The following TMPO variants were observed in gnomAD, a reference collection of about 807,000 sequenced individuals.
TMPO encodes thymopoietin, also known as LEM domain containing 4.
TMPO carries 22 observed loss-of-function variants against 45.4 expected under a neutral mutation model. The ratio of observed to expected loss-of-function variants is 0.48; its 90% confidence interval spans 0.35 to 0.69. The LOEUF (loss-of-function observed/expected upper bound fraction) is 0.69. TMPO is among the 30% of genes least tolerant of loss of function. The pLI is 0.01. For synonymous variants in TMPO, 241 were observed against 204.1 expected (o/e 1.18, Z -1.54); for missense variants, 512 against 548.8 (o/e 0.93, Z 0.67).
intron 1 of TMPO, among the ~76,000 whole-genome samples, chr12:98,519,274 A>G (rs1467622063): frequency 6.9e-6 from 1 of 144,630 alleles, no homozygotes; most frequent in East Asian, 2.1e-4. Flanking sequence ...CAATGGCCCG[A>G]TTTCATCTCT....
intron 4 of TMPO, among the ~76,000 whole-genome samples, chr12:98,538,071 G>A (rs1877682955): frequency 6.6e-6 from 1 of 152,110 alleles, no homozygotes; most frequent in African/African-American, 2.4e-5. Flanking sequence ...TGTGGGAGAG[G>A]CGTTTCAGTT....
rs35662364 is a variant in TMPO at position 98,520,630 on chromosome 12, C to CTT, written c.279+4494_279+4495dup. 3.5e-4 allele frequency among the ~76,000 whole-genome samples: 51 copies of CTT among 143,828 alleles called. 6 individuals carry two copies. Among genetic ancestry groups the CTT allele is most frequent in the East Asian group, 2.8e-3 (14 of 4,992 alleles). The allele number at this position is 143,828 out of a possible 152,430, so 94.4% of individuals were successfully genotyped here. Reference sequence around the variant, plus strand: ...AATACCAGGTCTTATTTCTTTTTTCCTTTTTTTTTTTGAAACGGAGTCTCA... The same window carrying CTT: ...AATACCAGGTCTTATTTCTTTTTTCCTTTTTTTTTTTTTGAAACGGAGTCTCA... On this transcript the variant is annotated intron_variant, in intron 1 of 8. Transcript: ENST00000556029.
At chr12:98,546,487 T>C in intron 8 of TMPO, 40 bp downstream of exon 8, 2 of 1,348,708 alleles carry the variant, frequency 1.5e-6, no homozygotes, top group Non-Finnish European at 2.1e-6. Flanking sequence ...TGTATTCTAG[T>C]AGGGAATCTT....
rs139336260 is a variant in TMPO, at chr12:98,535,743, C to G, written c.566-1732C>G. On this transcript the variant is annotated intron_variant, in intron 3 of 8. Transcript: ENST00000556029. ...TTTTCCATTTCATCATTGAAACTCA[C>G]TTTGACATTTCAGTGGTATAATTGA... 69 of 798,640 alleles carry G rather than the reference C, an allele frequency of 8.6e-5. 1 individual carries two copies. The African/African-American group carries it at 1.2e-3, about 14-fold the overall frequency. The allele number at this position is 798,640 out of a possible 1,614,324, so 49.5% of individuals were successfully genotyped here. A position where few individuals can be genotyped will look rare whatever the true frequency, so the allele number is the denominator to read the frequency against.
At chr12:98,534,892 A>G (rs1435542259) in intron 3 of TMPO, 1 of 983,320 alleles carries the variant, frequency 1.0e-6, no homozygotes, top group African/African-American at 1.7e-5. Context: ...ATGCAACTCA[A>G]AGCACCAGTC....
chr12:98,545,738 CT>C (rs796569361), intron 7 of TMPO, among the ~76,000 whole-genome samples: 109 of 146,358 alleles, frequency 7.4e-4, no homozygotes, highest in Middle Eastern at 3.6e-3. Flanking sequence ...AAACAGTATA[CT>C]TTTTTTTTTT....
At chr12:98,520,250 G>A (rs1266579309) in intron 1 of TMPO, among the ~76,000 whole-genome samples, 3 of 121,626 alleles carry the variant, frequency 2.5e-5, no homozygotes, top group Non-Finnish European at 5.2e-5. Context: ...ATGAGCCACC[G>A]CGCCCGGCCA....
At chr12:98,545,369 G>A (rs950225066) in intron 7 of TMPO, among the ~76,000 whole-genome samples, 1 of 152,092 alleles carries the variant, frequency 6.6e-6, no homozygotes, top group African/African-American at 2.4e-5. Context: ...ATGCAAGTTT[G>A]AAAGTGCTGC....
At chr12:98,523,459 G>A (rs909812101) in intron 1 of TMPO, among the ~76,000 whole-genome samples, 1 of 151,840 alleles carries the variant, frequency 6.6e-6, no homozygotes, top group African/African-American at 2.4e-5. Context: ...TTGGGAGGCT[G>A]AGGCAGGAGA....
chr12:98,545,024 C>T lies in TMPO; in HGVS notation c.953C>T (p.Pro318Leu). The T allele has an allele frequency of 6.2e-7, 1 of 1,613,472 alleles. No individual in the cohort carries two copies. The change falls in exon 7 of 9, where the codon CCC (proline) becomes CTC (leucine). Residue 318 changes from proline to leucine, a missense_variant. By Grantham distance (98) the Pro-to-Leu change is moderately conservative (BLOSUM62 -3). Around this residue, in one of 3 missense-constraint regions of TMPO, gnomAD observed 209 missense variants for 235.1 expected, o/e 0.89. Coordinates refer to ENST00000556029, the MANE Select transcript of TMPO (RefSeq NM_001032283.3). ...CCAATCACTGAATTCTCAGACATAC[C>T]CAGAAGAGCACCAAAGAAACCATTG... ...ILPITEFSDI[P>L]RRAPKKPLTR...
chr12:98,535,974 T>C (rs1054647884), intron 3 of TMPO, among the ~76,000 whole-genome samples: 2 of 152,204 alleles, frequency 1.3e-5, no homozygotes, highest in Non-Finnish European at 2.9e-5. Flanking sequence ...ATAGATTTTA[T>C]ATTGCTGGGG....
rs1878228101 is a variant in TMPO, at chr12:98,546,347, G to C, written c.991-12G>C. 1 of 1,581,160 alleles carries C rather than the reference G, an allele frequency of 6.3e-7. No individual in the cohort carries two copies. Among genetic ancestry groups the C allele is most frequent in the Non-Finnish European group, 8.7e-7 (1 of 1,150,694 alleles). ...TTAACTTGTGGTTGTTTGTTTGTCT[G>C]TTTCTTATTAGGTGGGAGAAAAAAC... On this transcript the variant is annotated splice_polypyrimidine_tract_variant and intron_variant, in intron 7 of 8. Coordinates refer to ENST00000556029, the MANE Select transcript of TMPO (RefSeq NM_001032283.3).
Position 98,515,770 on chromosome 12 carries a change from G to C in TMPO, c.-98G>C. The stretch of plus-strand genomic sequence containing the variant: ...GCTCTTCCCGGGCAGGAGCCGTGAG[G>C]CTCGGAGGCGGCAGCGCGGTCCCCG... On this transcript the variant is annotated 5_prime_UTR_variant, in exon 1 of 9. Coordinates refer to ENST00000556029, the MANE Select transcript of TMPO (RefSeq NM_001032283.3). 6.5e-7 allele frequency: 1 copy of C among 1,547,458 alleles called. No individual in the cohort carries two copies. Among genetic ancestry groups the C allele is most frequent in the Non-Finnish European group, 8.7e-7 (1 of 1,146,112 alleles).
chr12:98,542,929 C>T (rs963840033), intron 4 of TMPO, among the ~76,000 whole-genome samples: 5 of 152,214 alleles, frequency 3.3e-5, no homozygotes, highest in Non-Finnish European at 7.3e-5. Flanking sequence ...ACAAGTTTCT[C>T]TTTTGACAAT....
At chr12:98,537,677 C>G in intron 4 of TMPO, 105 bp downstream of exon 4, 1 of 864,302 alleles carries the variant, frequency 1.2e-6, no homozygotes, top group Non-Finnish European at 1.9e-6. Context: ...CCAGCACGCT[C>G]AATAAACTTA....
At chr12:98,539,981 G>T (rs946274019) in intron 4 of TMPO, among the ~76,000 whole-genome samples, 6 of 152,134 alleles carry the variant, frequency 3.9e-5, no homozygotes, top group African/African-American at 1.4e-4. Flanking sequence ...TCTAGTTTCA[G>T]AAATGTTTCG....
rs1319309709 is a variant in TMPO at position 98,532,907 on chromosome 12, G to A, written c.565+1069G>A. 5 of 1,613,960 alleles carry A rather than the reference G, an allele frequency of 3.1e-6. No homozygotes were observed. The highest frequency in any genetic ancestry group is 3.3e-5 in the Admixed American group (2 of 59,972). On this transcript the variant is annotated intron_variant, in intron 3 of 8. Transcript: ENST00000556029. The stretch of plus-strand genomic sequence containing the variant: ...CTTGGAACTACTCCCTCTGGTGGTG[G>A]ATTTTTTCAGGGTATTTCTTTTCCT...
At position 98,547,950 on chromosome 12, in the gene TMPO, A is replaced by C; in HGVS notation, c.*92A>C. 7.1e-7 allele frequency: 1 copy of C among 1,410,350 alleles called. No homozygotes were observed. Among genetic ancestry groups the C allele is most frequent in the African/African-American group, 1.4e-5 (1 of 69,738 alleles). 87.4% of individuals were successfully genotyped at this position (1,410,350 alleles called of 1,614,324 possible). On this transcript the variant is annotated 3_prime_UTR_variant, in exon 9 of 9. Transcript: ENST00000556029. Reference sequence around the variant, plus strand: ...ACACTTGTTGACTCCAAGAACTAAAAATAATGTGATTTCGCCTCAATAAAT... The same window carrying C: ...ACACTTGTTGACTCCAAGAACTAAACATAATGTGATTTCGCCTCAATAAAT...
rs774837270 is a variant in TMPO, at chr12:98,516,083, G to A, written c.216G>A (p.Glu72=). ...ACTTCTCCAGTGACGAAGAGCGCGA[G>A]CCCACCCCGGTCCTCGGCTCTGGGG... is the stretch of plus-strand genomic sequence containing the variant. ...PPDFSSDEER[E]PTPVLGSGAA... The change falls in exon 1 of 9, where the codon GAG becomes GAA. Residue 72 remains glutamate (E), a synonymous_variant. Coordinates refer to ENST00000556029, the MANE Select transcript of TMPO (RefSeq NM_001032283.3). The A allele has an allele frequency of 1.3e-6, 2 of 1,597,300 alleles. No homozygotes were observed. Among genetic ancestry groups the A allele is most frequent in the Non-Finnish European group, 8.5e-7 (1 of 1,175,282 alleles).
Sources: allele counts gnomAD v4.1 joint callset (sites outside exome capture counted in the v4.1 genomes callset), GRCh38; gene constraint gnomAD v4.1.1; regional missense constraint gnomAD v4.1.1; transcripts MANE v1.5; gene names NCBI Gene and HGNC (gene_info 2026-07-23, HGNC 2026-07-21).